Variants in OSGIN2 observed in about 807,000 individuals in gnomAD.
OSGIN2 encodes oxidative stress induced growth inhibitor family member 2, also known as oxidative stress-induced growth inhibitor 2.
A neutral mutation model predicts 53.8 loss-of-function variants in OSGIN2; 19 were observed. The observed-to-expected ratio is 0.35, with a 90% CI of 0.25 to 0.52. The LOEUF (loss-of-function observed/expected upper bound fraction) is 0.52, where lower values mean the gene tolerates loss of function less well. OSGIN2 is among the 20% of genes least tolerant of loss of function. OSGIN2 has a pLI of 0.95. For synonymous variants in OSGIN2, 236 were observed against 236.0 expected, an observed-to-expected ratio of 1.00 and a Z score of 0.00; for missense variants, 520 against 662.7, an observed-to-expected ratio of 0.78 and a Z score of 2.36.
In OSGIN2 at chr8:89,924,593, A is replaced by G. The variant is rs1809275384; in HGVS notation, c.711A>G (p.Arg237=). The part of the protein sequence containing the change: ...VKVMGLQKNF[R]ENTYITSVSR... Reference sequence around the variant, plus strand: ...TCATGGGTCTTCAGAAGAATTTCAGAGAGAATACTTACATAACTTCCGTAT... The same window carrying G: ...TCATGGGTCTTCAGAAGAATTTCAGGGAGAATACTTACATAACTTCCGTAT... The change falls in exon 6 of 6, where the codon AGA becomes AGG. Residue 237 remains arginine (R), a synonymous_variant. Coordinates refer to ENST00000451899, the MANE Select transcript of OSGIN2 (RefSeq NM_001126111.3). 1 of 1,613,688 alleles carries G rather than the reference A, an allele frequency of 6.2e-7. No homozygotes were observed.
chr8:89,905,196 G>A (rs1372655000), intron 1 of OSGIN2, among the ~76,000 whole-genome samples: 1 of 152,158 alleles, frequency 6.6e-6, no homozygotes, highest in African/African-American at 2.4e-5. Flanking sequence ...GTGCTGTAAT[G>A]TTTCAAAAAC....
chr8:89,924,733 A>T lies in OSGIN2; in HGVS notation c.851A>T (p.Tyr284Phe). Residue 284 changes from tyrosine (Y) to phenylalanine (F), a missense_variant, in exon 6 of 6, where the codon TAT becomes TTT. Tyr to Phe is a conservative substitution (Grantham distance 22, BLOSUM62 3). Coordinates refer to ENST00000451899, the MANE Select transcript of OSGIN2 (RefSeq NM_001126111.3). ...AAGAGAAACTGGGAAATTAGGGGTT[A>T]TCAGCGAATAGCTGATGGTTCTCAT... ...FIKRNWEIRG[Y>F]QRIADGSHVP... 6.2e-7 allele frequency: 1 copy of T among 1,614,182 alleles called. No homozygotes were observed. The highest frequency in any genetic ancestry group is 8.5e-7 in the Non-Finnish European group (1 of 1,179,996).
intron 4 of OSGIN2, among the ~76,000 whole-genome samples, chr8:89,919,527 T>C (rs929799570): frequency 1.3e-5 from 2 of 152,182 alleles, no homozygotes; most frequent in African/African-American, 4.8e-5. Context: ...TGGTATAGCA[T>C]TGCCAAGGCC....
At chr8:89,916,678 CTT>C (rs1809085941) in intron 4 of OSGIN2, among the ~76,000 whole-genome samples, 1 of 152,172 alleles carries the variant, frequency 6.6e-6, no homozygotes, top group South Asian at 2.1e-4. Context: ...TCTCATCACT[CTT>C]CTCTCTTCCA....
At chr8:89,902,978 C>A (rs937315128) in intron 1 of OSGIN2, 141 bp downstream of exon 1, 4 of 179,458 alleles carry the variant, frequency 2.2e-5, no homozygotes, top group African/African-American at 7.4e-5. Context: ...TCCTGCCTGG[C>A]GTGGGGGTGG....
chr8:89,915,264 G>C (rs1180644865), intron 4 of OSGIN2, among the ~76,000 whole-genome samples: 1 of 152,138 alleles, frequency 6.6e-6, no homozygotes, highest in Admixed American at 6.5e-5. Context: ...TCAGTTCCTG[G>C]TAAAGGCCCT....
intron 3 of OSGIN2, 49 bp from the exon 4 acceptor site, chr8:89,914,506 T>C: frequency 1.4e-6 from 2 of 1,411,354 alleles, no homozygotes; most frequent in Non-Finnish European, 2.0e-6. Flanking sequence ...ATATACTATC[T>C]GGGAAATGCT....
chr8:89,919,717 T>C (rs1198832699), intron 4 of OSGIN2, among the ~76,000 whole-genome samples: 1 of 152,202 alleles, frequency 6.6e-6, no homozygotes, highest in African/African-American at 2.4e-5. Flanking sequence ...TTCTTTTGAC[T>C]CCTTGAAGGA....
chr8:89,910,097 C>T (rs1808938204), intron 2 of OSGIN2, among the ~76,000 whole-genome samples: 1 of 127,744 alleles, frequency 7.8e-6, no homozygotes, highest in Admixed American at 7.1e-5. Flanking sequence ...AGGGCGGATA[C>T]AGACAGAGAA....
chr8:89,924,825 C>A lies in OSGIN2; in HGVS notation c.943C>A (p.Leu315Met). The change falls in exon 6 of 6, where the codon CTG becomes ATG. Residue 315 changes from leucine to methionine, a missense_variant. This residue lies in a region of OSGIN2 where 239 missense variants were observed against 328.3 expected (regional missense o/e 0.73). Coordinates refer to ENST00000451899, the MANE Select transcript of OSGIN2 (RefSeq NM_001126111.3). ...ATGTLDSPAH[L>M]EIEGEDFPFV... ...TGGAACGCTGGATTCTCCTGCCCAT[C>A]TGGAAATTGAAGGGGAAGATTTTCC... The A allele has an allele frequency of 4.3e-6, 7 of 1,614,154 alleles. No homozygotes were observed. Among genetic ancestry groups the A allele is most frequent in the Non-Finnish European group, 5.9e-6 (7 of 1,179,992 alleles).
chr8:89,906,203 C>T (rs1402497991), intron 1 of OSGIN2, among the ~76,000 whole-genome samples: 6 of 152,090 alleles, frequency 3.9e-5, no homozygotes, highest in African/African-American at 1.4e-4. Context: ...TCAGGGGTGT[C>T]CACTCTTTTT....
At chr8:89,922,444 C>T (rs143070882) in intron 5 of OSGIN2, among the ~76,000 whole-genome samples, 9 of 152,300 alleles carry the variant, frequency 5.9e-5, no homozygotes, top group Admixed American at 5.9e-4. Flanking sequence ...ACACATTCTT[C>T]ACTTTGTAAA....
intron 5 of OSGIN2, among the ~76,000 whole-genome samples, chr8:89,921,726 A>C (rs1307750420): frequency 1.3e-5 from 2 of 152,200 alleles, no homozygotes; most frequent in Non-Finnish European, 2.9e-5. Context: ...TCACGCCTGT[A>C]ATCCCAGCAT....
At chr8:89,909,066 A>G (rs1206769552) in intron 1 of OSGIN2, among the ~76,000 whole-genome samples, 1 of 96,126 alleles carries the variant, frequency 1.0e-5, no homozygotes, top group Non-Finnish European at 2.4e-5. Flanking sequence ...ATATATATAT[A>G]ATGTATATGT....
intron 5 of OSGIN2, among the ~76,000 whole-genome samples, chr8:89,922,236 T>G (rs1238677199): frequency 6.6e-6 from 1 of 152,210 alleles, no homozygotes; most frequent in African/African-American, 2.4e-5. Context: ...ACAACCATGT[T>G]AATTCATAGA....
Position 89,924,972 on chromosome 8 carries a change from GCTTACAACAGTA to G in OSGIN2, c.1091_1102del (p.Ala364_Asn368delinsAsp). ...TACTGCCGCTGACGCAGTACTGTGT[GCTTACAACAGTA>G]ATATCCCTGTGATTCATGTGTTTCG... On this transcript the variant is annotated inframe_deletion, in exon 6 of 6. Transcript: ENST00000451899. The G allele has an allele frequency of 6.2e-7, 1 of 1,613,850 alleles. No individual in the cohort carries two copies. Among genetic ancestry groups the G allele is most frequent in the South Asian group, 1.1e-5 (1 of 91,076 alleles).
chr8:89,909,593 G>T lies in OSGIN2; in HGVS notation c.71G>T (p.Gly24Val). The T allele has an allele frequency of 1.3e-6, 2 of 1,577,276 alleles. No individual in the cohort carries two copies. The highest frequency in any genetic ancestry group is 1.7e-6 in the Non-Finnish European group (2 of 1,158,252). The change falls in exon 2 of 6, where the codon GGA becomes GTA. Residue 24 changes from glycine (G) to valine (V), a missense_variant. Around this residue, in one of 3 missense-constraint regions of OSGIN2, gnomAD observed 203 missense variants for 275.3 expected, o/e 0.74. Coordinates refer to ENST00000451899, the MANE Select transcript of OSGIN2 (RefSeq NM_001126111.3). ...FRNYSDTETEGEIFNSLVQYF... is the reference protein window; with the variant it reads ...FRNYSDTETEVEIFNSLVQYF... ...AACTATAGTGACACTGAAACTGAAGGAGAGATTTTTAATTCCTTAGTGCAA... is the reference window on the plus strand; with the variant it reads ...AACTATAGTGACACTGAAACTGAAGTAGAGATTTTTAATTCCTTAGTGCAA...
At position 89,924,884 on chromosome 8, in the gene OSGIN2, T is replaced by C. The variant is rs759186206; in HGVS notation, c.1002T>C (p.Ala334=). ...FVFHSMPEFG[A]AINKGKLRGK... is the part of the protein sequence containing the mutation. ...TTCATTCAATGCCTGAATTTGGAGCTGCTATAAACAAAGGAAAGTTGCGTG... is the reference window on the plus strand; with the variant it reads ...TTCATTCAATGCCTGAATTTGGAGCCGCTATAAACAAAGGAAAGTTGCGTG... Residue 334 remains alanine, a synonymous_variant, in exon 6 of 6, where the codon GCT becomes GCC. Coordinates refer to ENST00000451899, the MANE Select transcript of OSGIN2 (RefSeq NM_001126111.3). 3.7e-6 allele frequency: 6 copies of C among 1,614,092 alleles called. No individual in the cohort carries two copies. The African/African-American group carries it at 6.7e-5, about 18-fold the overall frequency.
At chr8:89,921,044 T>G (rs1809189388) in intron 4 of OSGIN2, 36 bp from the exon 5 acceptor site, 1 of 1,268,554 alleles carries the variant, frequency 7.9e-7, no homozygotes, top group Non-Finnish European at 1.1e-6. Context: ...ACTTCTTGTT[T>G]TTTGACGGTA....
Sources: gnomAD v4.1 joint callset for allele counts (sites outside exome capture counted in the v4.1 genomes callset) on GRCh38, gnomAD v4.1.1 for gene constraint, gnomAD v4.1.1 regional missense constraint, MANE v1.5 for transcripts, NCBI Gene and HGNC (gene_info 2026-07-23, HGNC 2026-07-21) for gene names.